The following GLMN variants were observed in gnomAD, a reference collection of about 807,000 sequenced individuals.
The protein encoded by GLMN is glomulin, FKBP associated protein.
A neutral mutation model predicts 87.8 loss-of-function variants in GLMN; 75 were observed. The ratio of observed to expected loss-of-function variants is 0.85; its 90% CI spans 0.71 to 1.04. The LOEUF (loss-of-function observed/expected upper bound fraction) is 1.04. Ranked by LOEUF, GLMN falls within the 50% of genes least tolerant of loss-of-function variation. GLMN has a pLI of 0.00. For missense variants in GLMN, 588 were observed against 658.8 expected, an observed-to-expected ratio of 0.89 and a Z score of 1.18; for synonymous variants, 206 against 221.6, an observed-to-expected ratio of 0.93 and a Z score of 0.63.
chr1:92,361,570 A>G, the GLMN span, among the ~76,000 whole-genome samples: 1 of 152,200 alleles, frequency 6.6e-6, no homozygotes, highest in African/African-American at 2.4e-5. Flanking sequence ...AATCTGTATA[A>G]TGATTCATAT....
Position 92,271,740 on chromosome 1 carries a change from G to C in GLMN, c.736-88C>G, listed in dbSNP as rs538639931. ...TATTCAAACTCCACATTCTCACCAA[G>C]GGGAGGTGTAATCACTCCCTTTGAG... On this transcript the variant is annotated intron_variant, in intron 7 of 18. Transcript: ENST00000370360. 11 of 896,600 alleles carry C rather than the reference G, an allele frequency of 1.2e-5. No homozygotes were observed. The East Asian group carries it at 2.7e-4, about 22-fold the overall frequency. The allele number at this position is 896,600 out of a possible 1,614,324, so 55.5% of individuals were successfully genotyped here. A position where few individuals can be genotyped will look rare whatever the true frequency, so the allele number is the denominator to read the frequency against.
At chr1:92,312,601 G>A in the GLMN span, among the ~76,000 whole-genome samples, 3 of 152,072 alleles carry the variant, frequency 2.0e-5, no homozygotes, top group East Asian at 1.9e-4. Context: ...CTGTATATCC[G>A]TTCAAGTTGG....
intron 7 of GLMN, among the ~76,000 whole-genome samples, chr1:92,281,225 C>T (rs146578700): frequency 0.022 from 3,318 of 152,216 alleles, 123 homozygotes; most frequent in African/African-American, 0.077. Flanking sequence ...AGAGAAAGGT[C>T]AGGTTACCCA....
At chr1:92,259,218 AATT>A (rs1654672398) in intron 16 of GLMN, among the ~76,000 whole-genome samples, 1 of 152,184 alleles carries the variant, frequency 6.6e-6, no homozygotes, top group Admixed American at 6.5e-5. Context: ...TATTAGAATA[AATT>A]ATTGTAATTC....
At chr1:92,327,235 TG>T in the GLMN span, among the ~76,000 whole-genome samples, 1 of 152,246 alleles carries the variant, frequency 6.6e-6, no homozygotes, top group Non-Finnish European at 1.5e-5. Context: ...CTTGATGACC[TG>T]TCTAGTGCTG....
chr1:92,338,910 A>G, the GLMN span, among the ~76,000 whole-genome samples: 1 of 151,918 alleles, frequency 6.6e-6, no homozygotes, highest in African/African-American at 2.4e-5. Flanking sequence ...GCTCCTGACC[A>G]TTTCATTGAT....
At position 92,246,438 on chromosome 1, in the gene GLMN, A is replaced by C. The variant is rs534277037; in HGVS notation, c.*92T>G. On this transcript the variant is annotated 3_prime_UTR_variant, in exon 19 of 19. Transcript: ENST00000370360. ...AGCTACATTTATTTTTCAAGCAGTA[A>C]ATTTTTACAGAAAAATTTTTTATAA... The C allele has an allele frequency of 9.7e-5, 66 of 678,260 alleles. No individual in the cohort carries two copies. The highest frequency in any genetic ancestry group is 4.1e-4 in the Middle Eastern group (1 of 2,440). The allele number at this position is 678,260 out of a possible 1,614,324, so 42.0% of individuals were successfully genotyped here.
chr1:92,358,409 C>T, the GLMN span, among the ~76,000 whole-genome samples: 1 of 151,898 alleles, frequency 6.6e-6, no homozygotes, highest in Non-Finnish European at 1.5e-5. Flanking sequence ...TTCCTCCTCA[C>T]GAAACTTTCC....
At chr1:92,269,819 CAGAGATATGT>C in intron 8 of GLMN, 43 bp from the exon 9 acceptor site, 1 of 1,202,330 alleles carries the variant, frequency 8.3e-7, no homozygotes, top group Non-Finnish European at 1.2e-6. Flanking sequence ...TACACACACA[CAGAGATATGT>C]ACACACATAC....
At position 92,287,655 on chromosome 1, in the gene GLMN, A is replaced by T. The variant is rs113532985; in HGVS notation, c.633-1063T>A. 6.9e-3 allele frequency among the ~76,000 whole-genome samples: 1,053 copies of T among 152,134 alleles called. 12 individuals are homozygous for T. Among genetic ancestry groups the T allele is most frequent in the African/African-American group, 0.024 (1,006 of 41,516 alleles). On this transcript the variant is annotated intron_variant, in intron 6 of 18. Transcript: ENST00000370360. ...ACGTCTGGCTGTAAATTTTTTTTTA[A>T]ATGTCCTAACCTGACAAGTAGGAAG...
At chr1:92,259,447 G>A (rs1654714345) in intron 16 of GLMN, among the ~76,000 whole-genome samples, 1 of 151,790 alleles carries the variant, frequency 6.6e-6, no homozygotes, top group Non-Finnish European at 1.5e-5. Flanking sequence ...GAGGAAGGAG[G>A]GCTTACGAAG....
the GLMN span, chr1:92,333,123 C>T: frequency 2.8e-6 from 1 of 362,244 alleles, no homozygotes; most frequent in Non-Finnish European, 5.0e-6. Context: ...TTTTTGTTTA[C>T]ATTTTATTAT....
rs536378891 is a variant in GLMN, at chr1:92,262,794, C to T, written c.1473+69G>A. ...AGATATTAAATATTGGCTTTAGGTACTGAATATCTGAAACATTCCTTATGC... is the reference window on the plus strand; with the variant it reads ...AGATATTAAATATTGGCTTTAGGTATTGAATATCTGAAACATTCCTTATGC... On this transcript the variant is annotated intron_variant, in intron 16 of 18. Transcript: ENST00000370360. The T allele has an allele frequency of 2.5e-5, 18 of 733,106 alleles. No homozygotes were observed. In the African/African-American group the frequency reaches 2.6e-4, roughly 10 times the overall value. The allele number at this position is 733,106 out of a possible 1,614,324, so 45.4% of individuals were successfully genotyped here.
At chr1:92,356,814 G>A in the GLMN span, among the ~76,000 whole-genome samples, 1 of 151,684 alleles carries the variant, frequency 6.6e-6, no homozygotes, top group Non-Finnish European at 1.5e-5. Context: ...TGTAATCCCA[G>A]CACTTTGGGA....
At chr1:92,259,774 A>T (rs557418149) in intron 16 of GLMN, among the ~76,000 whole-genome samples, 11 of 119,808 alleles carry the variant, frequency 9.2e-5, no homozygotes, top group Non-Finnish European at 1.6e-4. Flanking sequence ...TTGCTCTGTC[A>T]CCCAGTGGGG....
At chr1:92,256,430 A>G (rs538928860) in intron 16 of GLMN, among the ~76,000 whole-genome samples, 2 of 152,152 alleles carry the variant, frequency 1.3e-5, no homozygotes, top group African/African-American at 2.4e-5. Context: ...TGATACCAAA[A>G]CCTGGCAGAG....
At chr1:92,311,208 A>C in the GLMN span, among the ~76,000 whole-genome samples, 1 of 152,130 alleles carries the variant, frequency 6.6e-6, no homozygotes, top group African/African-American at 2.4e-5. Context: ...TCTCAACACT[A>C]AGTCTCAGTT....
At chr1:92,315,369 A>G in the GLMN span, among the ~76,000 whole-genome samples, 45 of 152,340 alleles carry the variant, frequency 3.0e-4, no homozygotes, top group African/African-American at 9.6e-4. Context: ...AAATTACCAC[A>G]TATTACTATA....
At chr1:92,255,471 C>T (rs1323457943) in intron 16 of GLMN, among the ~76,000 whole-genome samples, 3 of 152,204 alleles carry the variant, frequency 2.0e-5, no homozygotes, top group African/African-American at 7.2e-5. Context: ...CTCAGCACCA[C>T]ACAGCACTTA....
Sources: gnomAD v4.1 joint callset for allele counts (sites outside exome capture counted in the v4.1 genomes callset) on GRCh38, gnomAD v4.1.1 for gene constraint, MANE v1.5 for transcripts, NCBI Gene and HGNC (gene_info 2026-07-23, HGNC 2026-07-21) for gene names.